MTHFD2L: variants seen among roughly 807,000 people sequenced by gnomAD.
The protein encoded by MTHFD2L is methylenetetrahydrofolate dehydrogenase (NADP+ dependent) 2 like, also known as bifunctional methylenetetrahydrofolate dehydrogenase/cyclohydrolase 2, mitochondrial.
A neutral mutation model predicts 34.9 loss-of-function variants in MTHFD2L; 29 were observed. That is an observed-to-expected ratio of 0.83 (90% CI 0.62 to 1.13). MTHFD2L has a LOEUF of 1.13. MTHFD2L is among the 50% of genes most tolerant of loss of function. The pLI, the probability that MTHFD2L is intolerant of heterozygous loss-of-function variation, is 0.00. For synonymous variants in MTHFD2L, 167 were observed against 155.7 expected (o/e 1.07, Z -0.54); for missense variants, 481 against 446.5 (o/e 1.08, Z -0.70).
At chr4:74,216,187 C>T (rs1472565552) in intron 5 of MTHFD2L, among the ~76,000 whole-genome samples, 1 of 151,724 alleles carries the variant, frequency 6.6e-6, no homozygotes, top group Non-Finnish European at 1.5e-5. Context: ...CATTTAAGCA[C>T]AGATTAAAGC....
At chr4:74,180,013 G>A (rs1729814470) in intron 3 of MTHFD2L, among the ~76,000 whole-genome samples, 1 of 151,956 alleles carries the variant, frequency 6.6e-6, no homozygotes, top group African/African-American at 2.4e-5. Flanking sequence ...ATTCAGCTTA[G>A]TTTTCTTACA....
intron 7 of MTHFD2L, among the ~76,000 whole-genome samples, chr4:74,297,301 T>G (rs373353819): frequency 6.6e-6 from 1 of 152,126 alleles, no homozygotes; most frequent in East Asian, 1.9e-4. Flanking sequence ...TTTATTTGTC[T>G]CAATTGTCAA....
At chr4:74,120,659 T>A (rs530691614), upstream of MTHFD2L, among the ~76,000 whole-genome samples, 1 of 152,348 alleles carries the variant, frequency 6.6e-6, no homozygotes, top group Admixed American at 6.5e-5. Flanking sequence ...CAAGGTGTGA[T>A]TAAAATTATT....
intron 6 of MTHFD2L, among the ~76,000 whole-genome samples, chr4:74,270,173 T>TATC (rs1401371554): frequency 6.6e-6 from 1 of 151,966 alleles, no homozygotes; most frequent in Non-Finnish European, 1.5e-5. Context: ...TTCTTTTTAT[T>TATC]ATTATTATTA....
chr4:74,175,208 C>T (rs1279634097), intron 2 of MTHFD2L, 73 bp from the exon 3 acceptor site: 64 of 1,508,032 alleles, frequency 4.2e-5, no homozygotes, highest in Non-Finnish European at 5.7e-5. Context: ...CAGTCCCACA[C>T]TGTGTCAGAC....
intron 5 of MTHFD2L, among the ~76,000 whole-genome samples, chr4:74,216,909 C>T (rs1276628401): frequency 6.6e-6 from 1 of 151,860 alleles, no homozygotes; most frequent in Non-Finnish European, 1.5e-5. Context: ...TCCCATCTTT[C>T]ATTCACAGTC....
At chr4:74,189,466 G>A (rs1449897921) in intron 3 of MTHFD2L, among the ~76,000 whole-genome samples, 1 of 138,430 alleles carries the variant, frequency 7.2e-6, no homozygotes, top group East Asian at 2.2e-4. Context: ...GCAGCATTGA[G>A]CAAGCAGTGT....
At chr4:74,287,764 G>A (rs927815217) in intron 7 of MTHFD2L, among the ~76,000 whole-genome samples, 1 of 152,056 alleles carries the variant, frequency 6.6e-6, no homozygotes, top group African/African-American at 2.4e-5. Flanking sequence ...AAGATAATTT[G>A]GCTCTTTCCC....
chr4:74,158,789 A>G (rs1724752094), intron 1 of MTHFD2L, among the ~76,000 whole-genome samples: 1 of 152,126 alleles, frequency 6.6e-6, no homozygotes, highest in Non-Finnish European at 1.5e-5. Flanking sequence ...CAGTCTTTTC[A>G]TGTATGGCTC....
intron 6 of MTHFD2L, among the ~76,000 whole-genome samples, chr4:74,251,165 A>G (rs1270704208): frequency 6.6e-6 from 1 of 152,200 alleles, no homozygotes; most frequent in Non-Finnish European, 1.5e-5. Context: ...GGTTAAGCCT[A>G]TCATGTAGAT....
intron 6 of MTHFD2L, among the ~76,000 whole-genome samples, chr4:74,260,290 A>C (rs1028908984): frequency 1.3e-5 from 2 of 152,084 alleles, no homozygotes; most frequent in Admixed American, 6.6e-5. Context: ...AGTTTTCTAC[A>C]CTGTCAGCCC....
intron 6 of MTHFD2L, among the ~76,000 whole-genome samples, chr4:74,246,231 A>T (rs1244297208): frequency 6.6e-6 from 1 of 151,632 alleles, no homozygotes; most frequent in African/African-American, 2.4e-5. Flanking sequence ...ATGGCCAGTG[A>T]TGATGAGCAT....
chr4:74,234,686 A>C (rs1740580265), intron 6 of MTHFD2L, among the ~76,000 whole-genome samples: 2 of 152,020 alleles, frequency 1.3e-5, no homozygotes, highest in South Asian at 4.1e-4. Flanking sequence ...TCCAGACACT[A>C]GTGGAGGAGA....
chr4:74,294,102 A>G (rs1417580459), intron 7 of MTHFD2L, among the ~76,000 whole-genome samples: 1 of 152,166 alleles, frequency 6.6e-6, no homozygotes, highest in Non-Finnish European at 1.5e-5. Flanking sequence ...ACAGTGAAAC[A>G]GACAAAATAG....
intron 1 of MTHFD2L, among the ~76,000 whole-genome samples, chr4:74,141,908 T>A (rs1417711058): frequency 1.3e-5 from 2 of 152,152 alleles, no homozygotes; most frequent in Non-Finnish European, 2.9e-5. Flanking sequence ...GTTAAATAAA[T>A]ATGTAATGAA....
intron 1 of MTHFD2L, among the ~76,000 whole-genome samples, chr4:74,168,346 G>T (rs896999219): frequency 1.4e-4 from 21 of 152,056 alleles, no homozygotes; most frequent in African/African-American, 4.1e-4. Flanking sequence ...CTCCATACTT[G>T]TTCTTCCCTT....
chr4:74,127,231 C>T (rs1297251465), intron 1 of MTHFD2L, among the ~76,000 whole-genome samples: 2 of 152,130 alleles, frequency 1.3e-5, no homozygotes, highest in African/African-American at 2.4e-5. Flanking sequence ...TTGGGATGTA[C>T]ATCACCTTAA....
At chr4:74,219,185 G>A (rs9993140) in intron 5 of MTHFD2L, among the ~76,000 whole-genome samples, 5,842 of 152,156 alleles carry the variant, frequency 0.038, 300 homozygotes, top group African/African-American at 0.12. Flanking sequence ...TGCGGCAGGT[G>A]CCCTGGAACC....
At chr4:74,204,025 A>G (rs1301435858) in intron 5 of MTHFD2L, among the ~76,000 whole-genome samples, 1 of 152,044 alleles carries the variant, frequency 6.6e-6, no homozygotes, top group Non-Finnish European at 1.5e-5. Flanking sequence ...CCTAGCATAT[A>G]TTAATGTTAT....
Sources: allele counts gnomAD v4.1 joint callset (sites outside exome capture counted in the v4.1 genomes callset), GRCh38; gene constraint gnomAD v4.1.1; transcripts MANE v1.5; gene names NCBI Gene and HGNC (gene_info 2026-07-23, HGNC 2026-07-21).